MOXD1: variants seen among roughly 807,000 people sequenced by gnomAD.
MOXD1 encodes the protein DBH-like monooxygenase protein 1.
A neutral mutation model predicts 66.6 loss-of-function variants in MOXD1; 62 were observed. That is an observed-to-expected ratio of 0.93 (90% CI 0.76 to 1.15). MOXD1 has a LOEUF of 1.15. MOXD1 is among the 50% of genes most tolerant of loss of function. MOXD1 has a pLI of 0.00. For synonymous variants in MOXD1, 303 were observed against 281.9 expected (o/e 1.07, Z -0.75); for missense variants, 847 against 754.6 (o/e 1.12, Z -1.44).
intron 1 of MOXD1, among the ~76,000 whole-genome samples, chr6:132,385,965 T>A (rs532846366): frequency 9.7e-4 from 143 of 147,952 alleles, no homozygotes; most frequent in Non-Finnish European, 1.9e-3. Context: ...TAGCTGGGCG[T>A]GGTGGCGGGC....
intron 6 of MOXD1, among the ~76,000 whole-genome samples, chr6:132,327,659 G>A (rs182367856): frequency 1.1e-4 from 16 of 152,074 alleles, no homozygotes; most frequent in Middle Eastern, 6.8e-3. Context: ...TTTTTCTTAC[G>A]TGCAGTTAGA....
chr6:132,359,765 C>T (rs1479806640), intron 4 of MOXD1, among the ~76,000 whole-genome samples: 1 of 152,110 alleles, frequency 6.6e-6, no homozygotes, highest in African/African-American at 2.4e-5. Context: ...GGATTACAGG[C>T]GTGAGCCACC....
chr6:132,373,827 TTTC>T (rs762951004), intron 2 of MOXD1, among the ~76,000 whole-genome samples: 22 of 152,246 alleles, frequency 1.4e-4, no homozygotes, highest in Non-Finnish European at 3.2e-4. Flanking sequence ...TGCTATATTC[TTTC>T]TTAATAAGTC....
At chr6:132,313,360 A>T (rs1774872489) in intron 10 of MOXD1, among the ~76,000 whole-genome samples, 1 of 152,210 alleles carries the variant, frequency 6.6e-6, no homozygotes. Context: ...CAATTTATGT[A>T]AGCATTTTGT....
intron 10 of MOXD1, among the ~76,000 whole-genome samples, chr6:132,308,130 A>G (rs928171734): frequency 6.6e-6 from 1 of 152,024 alleles, no homozygotes; most frequent in Non-Finnish European, 1.5e-5. Flanking sequence ...CACTAGCTAG[A>G]AAATAAAGAG....
intron 4 of MOXD1, among the ~76,000 whole-genome samples, chr6:132,334,251 T>C (rs1202577281): frequency 6.6e-6 from 1 of 152,222 alleles, no homozygotes; most frequent in Non-Finnish European, 1.5e-5. Flanking sequence ...CTTAGTTTCT[T>C]GATTATCTCC....
At chr6:132,304,047 CCCCAAT>C (rs1328299759) in intron 10 of MOXD1, among the ~76,000 whole-genome samples, 4 of 151,092 alleles carry the variant, frequency 2.6e-5, no homozygotes, top group African/African-American at 9.7e-5. Flanking sequence ...GTTCCAGTAC[CCCCAAT>C]AGGGTTTGAA....
At chr6:132,336,021 C>T (rs949880884) in intron 4 of MOXD1, among the ~76,000 whole-genome samples, 3 of 152,144 alleles carry the variant, frequency 2.0e-5, no homozygotes, top group East Asian at 1.9e-4. Context: ...AGGTTACTAG[C>T]GCCCTTTTGA....
At chr6:132,328,159 C>T (rs1283394243) in intron 5 of MOXD1, 44 bp from the exon 6 acceptor site, 2 of 1,528,154 alleles carry the variant, frequency 1.3e-6, no homozygotes, top group African/African-American at 1.4e-5. Flanking sequence ...ATGAAAGTCC[C>T]TGAGAGCTCT....
intron 1 of MOXD1, among the ~76,000 whole-genome samples, chr6:132,379,512 A>G (rs1776468869): frequency 6.6e-6 from 1 of 152,172 alleles, no homozygotes; most frequent in South Asian, 2.1e-4. Flanking sequence ...CACCTTGAAC[A>G]GTTTATTTCT....
rs571686182 is a variant in MOXD1, at chr6:132,312,146, C to T, written c.1508+3489G>A. On this transcript the variant is annotated intron_variant, in intron 10 of 11. Transcript: ENST00000367963. ...TGTTTTTCCTTAAGACTTGCCAGAT[C>T]TGTAGGAGGCAGACAGAAATAGCAC... Among the ~76,000 whole-genome samples, 3 of 151,602 alleles carry T rather than the reference C, an allele frequency of 2.0e-5. No homozygotes were observed. In the East Asian group the frequency reaches 5.8e-4, roughly 29 times the overall value.
intron 4 of MOXD1, among the ~76,000 whole-genome samples, chr6:132,344,832 G>T (rs1775637405): frequency 2.0e-5 from 3 of 152,152 alleles, no homozygotes; most frequent in African/African-American, 7.2e-5. Context: ...TAAATAGGCT[G>T]CCCAACTCGT....
intron 4 of MOXD1, among the ~76,000 whole-genome samples, chr6:132,342,802 T>G (rs1040594221): frequency 6.6e-6 from 1 of 152,242 alleles, no homozygotes; most frequent in Non-Finnish European, 1.5e-5. Flanking sequence ...ACTTTTCCAA[T>G]AGTTTTTTGG....
chr6:132,347,852 AG>A lies in MOXD1; in HGVS notation c.664-19259del, dbSNP rs553904366. ...ATGAAAGTTAAACAAATAAATGAAT[AG>A]GAGTGGATGACTTTTTTAGTTCTCA... On this transcript the variant is annotated intron_variant, in intron 4 of 11. Transcript: ENST00000367963. Among the ~76,000 whole-genome samples the A allele has an allele frequency of 3.3e-5, 5 of 152,286 alleles. No homozygotes were observed. The South Asian group carries it at 8.3e-4, about 25-fold the overall frequency.
intron 6 of MOXD1, among the ~76,000 whole-genome samples, chr6:132,327,026 C>G (rs1191490554): frequency 2.0e-5 from 3 of 152,150 alleles, no homozygotes; most frequent in Non-Finnish European, 4.4e-5. Flanking sequence ...ATGGGTCCTA[C>G]AAGATCTTAG....
At chr6:132,375,792 G>T (rs955052321) in intron 1 of MOXD1, among the ~76,000 whole-genome samples, 6 of 152,152 alleles carry the variant, frequency 3.9e-5, no homozygotes, top group Admixed American at 3.3e-4. Flanking sequence ...AAATGACTAG[G>T]ATGTGACTCC....
chr6:132,366,130 C>G (rs913281285), intron 4 of MOXD1, among the ~76,000 whole-genome samples: 1 of 151,958 alleles, frequency 6.6e-6, no homozygotes, highest in African/African-American at 2.4e-5. Context: ...AATTTAATAA[C>G]CAAATAGAGT....
At chr6:132,393,033 C>G (rs1776799677) in intron 1 of MOXD1, among the ~76,000 whole-genome samples, 1 of 152,158 alleles carries the variant, frequency 6.6e-6, no homozygotes, top group African/African-American at 2.4e-5. Context: ...TGATTGCCAG[C>G]TACTGAAAAA....
intron 4 of MOXD1, among the ~76,000 whole-genome samples, chr6:132,366,805 T>C (rs538512270): frequency 6.6e-6 from 1 of 152,266 alleles, no homozygotes; most frequent in East Asian, 1.9e-4. Context: ...ACATGTTGTA[T>C]TAAGCCTAAC....
Sources: gnomAD v4.1 joint callset for allele counts (sites outside exome capture counted in the v4.1 genomes callset) on GRCh38, gnomAD v4.1.1 for gene constraint, MANE v1.5 for transcripts, NCBI Gene and HGNC (gene_info 2026-07-23, HGNC 2026-07-21) for gene names.